HEATR5B: variants seen among roughly 807,000 people sequenced by gnomAD.
HEATR5B encodes HEAT repeat containing 5B, also known as HEAT repeat-containing protein 5B.
In HEATR5B, 156 loss-of-function variants were observed where a neutral mutation model predicts 224.1. That is an observed-to-expected ratio of 0.70 (90% CI 0.61 to 0.80). The LOEUF (loss-of-function observed/expected upper bound fraction) is 0.80, where lower values mean the gene tolerates loss of function less well. Ranked by LOEUF, HEATR5B falls within the 30% of genes least tolerant of loss-of-function variation. HEATR5B has a pLI of 0.00. For missense variants in HEATR5B, 2,323 were observed against 2,535.5 expected, an observed-to-expected ratio of 0.92 and a Z score of 1.80; for synonymous variants, 1,027 against 893.0, an observed-to-expected ratio of 1.15 and a Z score of -2.68.
chr2:37,071,941 C>T (rs1671933444), intron 6 of HEATR5B, among the ~76,000 whole-genome samples, 169 bp downstream of exon 6: 1 of 152,104 alleles, frequency 6.6e-6, no homozygotes, highest in Non-Finnish European at 1.5e-5. Flanking sequence ...TCTCGGCCTC[C>T]CAGAAGTGCT....
chr2:37,049,852 A>AAT lies in HEATR5B; in HGVS notation c.2506-10_2506-9insAT. ...TTGTTTTCAGCTAAGCCCTACATTA[A>AAT]AAAAAAAAAAAAAAAAAAGACAGCA... On this transcript the variant is annotated splice_polypyrimidine_tract_variant and intron_variant, in intron 17 of 35. Coordinates refer to ENST00000233099, the MANE Select transcript of HEATR5B (RefSeq NM_019024.3). 1 of 385,818 alleles carries AAT rather than the reference A, an allele frequency of 2.6e-6. No individual in the cohort carries two copies. Among genetic ancestry groups the AAT allele is most frequent in the Non-Finnish European group, 4.0e-6 (1 of 249,254 alleles). 23.9% of individuals were successfully genotyped at this position (385,818 alleles called of 1,614,324 possible). A position where few individuals can be genotyped will look rare whatever the true frequency, so the allele number is the denominator to read the frequency against.
intron 24 of HEATR5B, among the ~76,000 whole-genome samples, chr2:37,026,183 A>G (rs1413013815): frequency 6.6e-6 from 1 of 152,136 alleles, no homozygotes; most frequent in Non-Finnish European, 1.5e-5. Context: ...GCTGGCTTTG[A>G]AGAGAGAGAG....
chr2:37,037,779 G>A (rs756284403), intron 21 of HEATR5B, 76 bp downstream of exon 21: 4 of 1,039,772 alleles, frequency 3.8e-6, no homozygotes, highest in Non-Finnish European at 5.2e-6. Flanking sequence ...TAGCTAGTAT[G>A]TATCCATAAA....
At chr2:37,030,995 T>C (rs1669094451) in intron 22 of HEATR5B, among the ~76,000 whole-genome samples, 1 of 152,258 alleles carries the variant, frequency 6.6e-6, no homozygotes. Context: ...TCCGAACTTT[T>C]GGTATGTGCC....
intron 5 of HEATR5B, 70 bp downstream of exon 5, chr2:37,075,413 GAA>G (rs34545380): frequency 3.7e-5 from 43 of 1,153,520 alleles, no homozygotes; most frequent in South Asian, 3.1e-4. Context: ...AATTTTAAAA[GAA>G]AAAAAAATCG....
chr2:37,053,821 C>G (rs1017223516), intron 16 of HEATR5B, among the ~76,000 whole-genome samples: 2 of 151,780 alleles, frequency 1.3e-5, no homozygotes, highest in African/African-American at 4.8e-5. Flanking sequence ...AAAAGAGTTT[C>G]AATTAACAAA....
At chr2:37,049,379 GA>G (rs1001181987) in intron 18 of HEATR5B, among the ~76,000 whole-genome samples, 1 of 152,152 alleles carries the variant, frequency 6.6e-6, no homozygotes, top group Non-Finnish European at 1.5e-5. Context: ...ACATAACAGA[GA>G]AGTCCTTATT....
At chr2:37,046,600 C>T (rs1670209685) in intron 18 of HEATR5B, among the ~76,000 whole-genome samples, 1 of 148,114 alleles carries the variant, frequency 6.8e-6, no homozygotes, top group South Asian at 2.1e-4. Context: ...GATTGCACCA[C>T]TGCACTCCAG....
intron 18 of HEATR5B, among the ~76,000 whole-genome samples, chr2:37,043,280 A>T (rs1158923075): frequency 6.6e-6 from 1 of 152,264 alleles, no homozygotes; most frequent in Non-Finnish European, 1.5e-5. Context: ...AAGCACAATC[A>T]AATCAATAGA....
chr2:37,022,323 C>T (rs1335793514), intron 24 of HEATR5B, among the ~76,000 whole-genome samples: 1 of 152,082 alleles, frequency 6.6e-6, no homozygotes, highest in Non-Finnish European at 1.5e-5. Context: ...GGATTACAGG[C>T]ACCCACCACC....
intron 27 of HEATR5B, among the ~76,000 whole-genome samples, chr2:37,012,273 T>C (rs1249189695): frequency 6.6e-6 from 1 of 152,218 alleles, no homozygotes; most frequent in Non-Finnish European, 1.5e-5. Flanking sequence ...AAGAAATACA[T>C]TTAGGTTATT....
At chr2:37,034,329 G>A (rs1231756009) in intron 21 of HEATR5B, among the ~76,000 whole-genome samples, 3 of 143,698 alleles carry the variant, frequency 2.1e-5, no homozygotes, top group South Asian at 2.3e-4. Flanking sequence ...TTAAGACATC[G>A]CCGGCCGGGC....
intron 6 of HEATR5B, 44 bp from the exon 7 acceptor site, chr2:37,070,431 G>C (rs756255864): frequency 1.4e-6 from 2 of 1,478,082 alleles, no homozygotes; most frequent in South Asian, 1.2e-5. Flanking sequence ...ATATTTCTGA[G>C]GCACTCTAGC....
chr2:36,984,200 C>CAAAAAAAAAAAAAAAAAAAAAAAAAAA (rs1208435239), intron 35 of HEATR5B, among the ~76,000 whole-genome samples: 1 of 29,022 alleles, frequency 3.4e-5, no homozygotes, highest in Non-Finnish European at 6.5e-5. Context: ...AACTCTGTCT[C>CAAAAAAAAAAAAAAAAAAAAAAAAAAA]AAAAAAAAAA....
At chr2:37,055,990 A>C (rs760510845) in intron 16 of HEATR5B, among the ~76,000 whole-genome samples, 15 of 152,222 alleles carry the variant, frequency 9.9e-5, no homozygotes, top group Admixed American at 2.0e-4. Flanking sequence ...ACCATCTCAC[A>C]AACGTTATTA....
chr2:37,041,099 A>C, intron 19 of HEATR5B, 34 bp downstream of exon 19: 1 of 1,569,496 alleles, frequency 6.4e-7, no homozygotes, highest in Non-Finnish European at 8.7e-7. Context: ...AAATTTTCTA[A>C]ACTTTTGTAA....
At chr2:37,045,153 C>G (rs2148509822) in intron 18 of HEATR5B, among the ~76,000 whole-genome samples, 1 of 152,166 alleles carries the variant, frequency 6.6e-6, no homozygotes, top group African/African-American at 2.4e-5. Flanking sequence ...TTTATAATAG[C>G]TCTTTTAATA....
At chr2:37,052,131 A>T (rs998912722) in intron 17 of HEATR5B, among the ~76,000 whole-genome samples, 2 of 152,230 alleles carry the variant, frequency 1.3e-5, no homozygotes, top group Non-Finnish European at 2.9e-5. Flanking sequence ...AGACATGTTC[A>T]TGCAAACACA....
At chr2:36,996,644 T>C (rs557077964) in intron 33 of HEATR5B, among the ~76,000 whole-genome samples, 29 of 151,980 alleles carry the variant, frequency 1.9e-4, no homozygotes, top group Non-Finnish European at 3.5e-4. Context: ...CAGGATGGAG[T>C]GCAATGGCGT....
Sources: gnomAD v4.1 joint callset for allele counts (sites outside exome capture counted in the v4.1 genomes callset) on GRCh38, gnomAD v4.1.1 for gene constraint, MANE v1.5 for transcripts, NCBI Gene and HGNC (gene_info 2026-07-23, HGNC 2026-07-21) for gene names.